Variants in RYR1 observed in about 807,000 individuals in gnomAD.
RYR1 encodes central core disease of muscle.
In RYR1, 342 loss-of-function variants were observed where a neutral mutation model predicts 583.5. That is an observed-to-expected ratio of 0.59 (90% CI 0.54 to 0.64). The LOEUF is 0.64. Ranked by LOEUF, RYR1 falls within the 30% of genes least tolerant of loss-of-function variation. RYR1 has a pLI of 0.00. For synonymous variants in RYR1, 2,791 were observed against 2,822.5 expected (o/e 0.99, Z 0.35); for missense variants, 6,032 against 6,917.2 (o/e 0.87, Z 4.54).
intron 89 of RYR1, among the ~76,000 whole-genome samples, chr19:38,556,387 C>T (rs551484571): frequency 6.6e-6 from 1 of 151,684 alleles, no homozygotes; most frequent in South Asian, 2.1e-4. Context: ...GAGGCTGAGG[C>T]AGGAGGATCT....
At chr19:38,494,775 C>T (rs909250278) in intron 39 of RYR1, 150 bp downstream of exon 39, 6 of 908,468 alleles carry the variant, frequency 6.6e-6, no homozygotes, top group Non-Finnish European at 1.0e-5. Flanking sequence ...GGTAATGTCT[C>T]CTTCCCTTAC....
Position 38,455,850 on chromosome 19 carries a change from A to G in RYR1, c.1791+99A>G. On this transcript the variant is annotated intron_variant, in intron 16 of 105. Transcript: ENST00000359596. ...GCTCACTCCCTCACTTCCCTCCTCC[A>G]TCTCATCTCTCACCTGTACGCCACT... 1.3e-5 allele frequency: 10 copies of G among 785,684 alleles called. 1 individual carries two copies. In the South Asian group the frequency reaches 1.4e-4, roughly 11 times the overall value. 48.7% of individuals were successfully genotyped at this position (785,684 alleles called of 1,614,324 possible).
chr19:38,564,945 G>A lies in RYR1; in HGVS notation c.12625-14G>A. The A allele has an allele frequency of 1.9e-6, 3 of 1,566,948 alleles. No homozygotes were observed. The highest frequency in any genetic ancestry group is 1.7e-6 in the Non-Finnish European group (2 of 1,157,530). The stretch of plus-strand genomic sequence containing the variant: ...CTGACGGCGCCCTATCCTGTCTGCC[G>A]CCCCTCGCTTCAGGTGAAGGAGTCC... On this transcript the variant is annotated splice_polypyrimidine_tract_variant and intron_variant, in intron 90 of 105. Transcript: ENST00000359596.
intron 67 of RYR1, 51 bp from the exon 68 acceptor site, chr19:38,522,977 C>T (rs771099896): frequency 2.8e-6 from 4 of 1,445,314 alleles, no homozygotes; most frequent in Non-Finnish European, 3.8e-6. Flanking sequence ...TGGGCAGCCC[C>T]CTTCCCTGGG....
Position 38,507,710 on chromosome 19 carries a change from A to G in RYR1, c.8817-2A>G. ...GATCCTTCTCTCCACATCTCCATGC[A>G]GAGGCCTTAAGGACATGGAACTGGA... is the stretch of plus-strand genomic sequence containing the variant. On this transcript the variant is annotated splice_acceptor_variant, in intron 57 of 105. Transcript: ENST00000359596. LOFTEE classifies it high-confidence loss of function. The G allele has an allele frequency of 6.3e-7, 1 of 1,589,144 alleles. No homozygotes were observed. The highest frequency in any genetic ancestry group is 8.6e-7 in the Non-Finnish European group (1 of 1,157,408).
At chr19:38,575,131 C>T (rs924323660) in intron 96 of RYR1, among the ~76,000 whole-genome samples, 5 of 151,898 alleles carry the variant, frequency 3.3e-5, no homozygotes, top group African/African-American at 9.7e-5. Flanking sequence ...GGGCCAGAAT[C>T]ATGAAATTAA....
intron 92 of RYR1, among the ~76,000 whole-genome samples, chr19:38,567,502 C>G (rs1973499716): frequency 6.6e-6 from 1 of 152,154 alleles, no homozygotes; most frequent in South Asian, 2.1e-4. Flanking sequence ...GGAGGTGTCT[C>G]CTCCAGATTC....
chr19:38,467,897 CT>C, intron 25 of RYR1, 85 bp downstream of exon 25: 4 of 1,320,180 alleles, frequency 3.0e-6, no homozygotes, highest in Non-Finnish European at 3.2e-6. Flanking sequence ...CTGTCTGTGC[CT>C]CACTCTGTCC....
At chr19:38,509,749 G>A (rs529618133) in intron 58 of RYR1, among the ~76,000 whole-genome samples, 1 of 151,022 alleles carries the variant, frequency 6.6e-6, no homozygotes, top group African/African-American at 2.4e-5. Flanking sequence ...GAGCCACTGC[G>A]CCCGGCCCAG....
chr19:38,504,108 C>A, intron 49 of RYR1, 112 bp from the exon 50 acceptor site: 1 of 574,816 alleles, frequency 1.7e-6, no homozygotes, highest in Non-Finnish European at 2.3e-6. Context: ...ATAACCCACA[C>A]CTCCTTCATA....
intron 84 of RYR1, among the ~76,000 whole-genome samples, chr19:38,541,834 G>C (rs1306820103): frequency 6.6e-6 from 1 of 152,024 alleles, no homozygotes; most frequent in Admixed American, 6.6e-5. Flanking sequence ...TGTAATCCCA[G>C]CACTATGGGA....
chr19:38,434,057 A>AT (rs1249565309), intron 1 of RYR1, among the ~76,000 whole-genome samples, 183 bp downstream of exon 1: 1 of 151,952 alleles, frequency 6.6e-6, no homozygotes, highest in South Asian at 2.1e-4. Flanking sequence ...ACTACAGAGA[A>AT]TTAGTAGGAT....
intron 16 of RYR1, among the ~76,000 whole-genome samples, chr19:38,455,968 T>G (rs1158629890): frequency 1.5e-5 from 1 of 67,304 alleles, no homozygotes; most frequent in Non-Finnish European, 3.0e-5. Context: ...CTCTGAAATG[T>G]TTTTTTTTTT....
At chr19:38,480,918 G>T (rs1415337749) in intron 31 of RYR1, among the ~76,000 whole-genome samples, 1 of 151,998 alleles carries the variant, frequency 6.6e-6, no homozygotes, top group East Asian at 1.9e-4. Flanking sequence ...AGTAGAGACG[G>T]GGTCTGGCTA....
In RYR1 at chr19:38,543,977, C is replaced by T. The variant is rs947246465; in HGVS notation, c.12012+102C>T. The stretch of plus-strand genomic sequence containing the variant: ...GGTCAGTTTGTCACCCGAGTGCTCC[C>T]GGCATGTTCCAGACTGGTTCCCTCT... On this transcript the variant is annotated intron_variant, in intron 87 of 105. Transcript: ENST00000359596. This position sits in a 1 kb window ranked among gnomAD's most constrained non-coding sequence, Gnocchi z 4.4. The T allele has an allele frequency of 4.7e-5, 54 of 1,157,444 alleles. No individual in the cohort carries two copies. Among genetic ancestry groups the T allele is most frequent in the Admixed American group, 7.9e-5 (4 of 50,578 alleles). 71.7% of individuals were successfully genotyped at this position (1,157,444 alleles called of 1,614,324 possible). A position where few individuals can be genotyped will look rare whatever the true frequency, so the allele number is the denominator to read the frequency against.
At position 38,527,662 on chromosome 19, in the gene RYR1, T is replaced by C. The variant is rs772784769; in HGVS notation, c.10702T>C (p.Ser3568Pro). 1 of 1,613,966 alleles carries C rather than the reference T, an allele frequency of 6.2e-7. No homozygotes were observed. Among genetic ancestry groups the C allele is most frequent in the South Asian group, 1.1e-5 (1 of 91,068 alleles). The change falls in exon 73 of 106, where the codon TCT becomes CCT. Residue 3568 changes from serine (S) to proline (P), a missense_variant. Coordinates refer to ENST00000359596, the MANE Select transcript of RYR1 (RefSeq NM_000540.3). ...HLQGKVEGSPSLRWQMALYRG... is the reference protein window; with the variant it reads ...HLQGKVEGSPPLRWQMALYRG... ...CTCCCTTCAGGTCGAAGGCTCCCCG[T>C]CTCTGCGCTGGCAGATGGCTCTGTA...
chr19:38,572,082 G>A lies in RYR1; in HGVS notation c.13810G>A (p.Ala4604Thr). ...CTCAGCTGCTGGGGATGTGTCAGGT[G>A]CAGGCTCTGGTGGCAGCTCTGGCTG... ...EGSAAGDVSG[A>T]GSGGSSGWGL... Residue 4604 changes from alanine to threonine, a missense_variant, in exon 95 of 106, where the codon GCA becomes ACA. Transcript: ENST00000359596. The A allele has an allele frequency of 6.2e-7, 1 of 1,614,204 alleles. No individual in the cohort carries two copies. The highest frequency in any genetic ancestry group is 8.5e-7 in the Non-Finnish European group (1 of 1,180,044).
intron 7 of RYR1, among the ~76,000 whole-genome samples, chr19:38,446,108 A>G (rs1441691213): frequency 6.6e-6 from 1 of 152,044 alleles, no homozygotes; most frequent in Non-Finnish European, 1.5e-5. Context: ...CAACCCTAGA[A>G]CTCAGACTCC....
chr19:38,527,715 C>T lies in RYR1; in HGVS notation c.10755C>T (p.Asp3585=), dbSNP rs565882584. The T allele has an allele frequency of 7.4e-6, 12 of 1,614,062 alleles. No homozygotes were observed. The South Asian group carries it at 7.7e-5, about 10-fold the overall frequency. Residue 3585 remains aspartate (D), a synonymous_variant, in exon 73 of 106, where the codon GAC becomes GAT. Transcript: ENST00000359596. ...GGGGCGTCCCGGGTCGCGAGGAGGA[C>T]GCCGATGACCCCGAGAAAATCGTGC... ...LYRGVPGREE[D]ADDPEKIVRR...
Sources: gnomAD v4.1 joint callset for allele counts (sites outside exome capture counted in the v4.1 genomes callset) on GRCh38, gnomAD v4.1.1 for gene constraint, Gnocchi (gnomAD v3.1) non-coding constraint, MANE v1.5 for transcripts, NCBI Gene and HGNC (gene_info 2026-07-23, HGNC 2026-07-21) for gene names.